The following RTL9 variants were observed in gnomAD, a reference collection of about 807,000 sequenced individuals.
RTL9 encodes the protein retrotransposon Gag-like protein 9.
In RTL9, 19 loss-of-function variants were observed where a neutral mutation model predicts 44.7. That is an observed-to-expected ratio of 0.42 (90% CI 0.30 to 0.62). The LOEUF (loss-of-function observed/expected upper bound fraction) is 0.62. Ranked by LOEUF, RTL9 falls within the 20% of genes least tolerant of loss-of-function variation. The pLI, the probability that RTL9 is intolerant of heterozygous loss-of-function variation, is 0.16. For missense variants in RTL9, 1,105 were observed against 1,080.6 expected, an observed-to-expected ratio of 1.02 and a Z score of -0.32; for synonymous variants, 407 against 398.9, an observed-to-expected ratio of 1.02 and a Z score of -0.24.
intron 1 of RTL9, among the ~76,000 whole-genome samples, chrX:110,406,525 G>A (rs1042037944): frequency 9.0e-6 from 1 of 111,602 alleles, no homozygotes; most frequent in Non-Finnish European, 1.9e-5. Flanking sequence ...ATTTGGGTTG[G>A]TTCCAAGTCT....
At chrX:110,436,696 G>C (rs2068841295) in intron 1 of RTL9, among the ~76,000 whole-genome samples, 1 of 111,712 alleles carries the variant, frequency 9.0e-6, no homozygotes, top group African/African-American at 3.3e-5. Context: ...GAGAGGATGG[G>C]GAGGGACAGA....
intron 1 of RTL9, among the ~76,000 whole-genome samples, chrX:110,365,819 A>G (rs1388757071): frequency 1.8e-5 from 2 of 112,183 alleles, no homozygotes; most frequent in African/African-American, 3.2e-5. Flanking sequence ...GAGGTGATCT[A>G]TGCAAAGTGC....
chrX:110,416,734 C>T (rs180971472), upstream of RTL9, among the ~76,000 whole-genome samples: 124 of 112,203 alleles, frequency 1.1e-3, no homozygotes, highest in African/African-American at 3.8e-3. Flanking sequence ...TGCTTCTAAG[C>T]GTCCTGTGGG....
chrX:110,450,697 C>T (rs768405470), exon 1 of RTL9: 1 of 1,208,605 alleles, frequency 8.3e-7, no homozygotes, highest in East Asian at 3.0e-5. Context: ...AAGCAGATGG[C>T]CTTCTGTAGA....
rs2068651943 is a variant in RTL9, at chrX:110,413,068, T to G, written c.-167-32085T>G. ...CCACAGCCCAAACGTTAAGCCTCCC[T>G]GCTCGTCATCTGTCCTCTCCCATAC... On this transcript the variant is annotated intron_variant, in intron 1 of 2. Transcript: ENST00000520821. Among the ~76,000 whole-genome samples the G allele has an allele frequency of 4.5e-5, 5 of 111,737 alleles. No homozygotes were observed. In the South Asian group the frequency reaches 1.5e-3, roughly 34 times the overall value.
intron 1 of RTL9, among the ~76,000 whole-genome samples, chrX:110,420,845 C>T (rs1031439786): frequency 9.0e-6 from 1 of 111,148 alleles, no homozygotes; most frequent in Non-Finnish European, 1.9e-5. Flanking sequence ...AGTTTTGGCT[C>T]GGGAGGCAGG....
chrX:110,396,247 C>G (rs2068527432), intron 1 of RTL9, among the ~76,000 whole-genome samples: 1 of 111,032 alleles, frequency 9.0e-6, no homozygotes, highest in Non-Finnish European at 1.9e-5. Flanking sequence ...TTTTCAAACA[C>G]ATACACAAAA....
chrX:110,378,994 C>A (rs1370337774), intron 1 of RTL9, among the ~76,000 whole-genome samples: 1 of 112,037 alleles, frequency 8.9e-6, no homozygotes, highest in Non-Finnish European at 1.9e-5. Flanking sequence ...TAACAGCAAG[C>A]ACAGCTTCTC....
chrX:110,381,097 C>A (rs1372715976), intron 1 of RTL9, among the ~76,000 whole-genome samples: 3 of 111,921 alleles, frequency 2.7e-5, no homozygotes, highest in East Asian at 5.6e-4. Flanking sequence ...CAGGTGGGAT[C>A]TAATTAAACC....
At chrX:110,362,062 G>A (rs778943203) in intron 1 of RTL9, among the ~76,000 whole-genome samples, 1 of 111,847 alleles carries the variant, frequency 8.9e-6, no homozygotes. Flanking sequence ...ATCTAGAATA[G>A]TACCTGGCAT....
At chrX:110,363,454 C>T (rs1481091231) in intron 1 of RTL9, among the ~76,000 whole-genome samples, 3 of 111,639 alleles carry the variant, frequency 2.7e-5, no homozygotes, top group Non-Finnish European at 5.6e-5. Context: ...AAGGGACCTC[C>T]CTATGTGTCA....
At chrX:110,400,932 A>C (rs577707579) in intron 1 of RTL9, among the ~76,000 whole-genome samples, 30 of 111,882 alleles carry the variant, frequency 2.7e-4, no homozygotes, top group African/African-American at 9.4e-4. Flanking sequence ...CAGGGCTTTT[A>C]AATTTGGACT....
chrX:110,399,242 C>G, intron 1 of RTL9, among the ~76,000 whole-genome samples: 1 of 112,546 alleles, frequency 8.9e-6, no homozygotes, highest in East Asian at 2.8e-4. Context: ...TCAGAACAAC[C>G]CTTCAAGGTA....
chrX:110,452,058 A>G lies in RTL9; in HGVS notation c.1441A>G (p.Met481Val), dbSNP rs768206687. 15 of 1,210,145 alleles carry G rather than the reference A, an allele frequency of 1.2e-5. 1 individual carries two copies. The Middle Eastern group carries it at 9.2e-4, about 74-fold the overall frequency. Residue 481 changes from methionine to valine, a missense_variant, in exon 1 of 2, where the codon ATG (methionine) becomes GTG (valine). By Grantham distance (21) the Met-to-Val change is conservative. Transcript: ENST00000540313. The stretch of plus-strand genomic sequence containing the variant: ...TTCTGGAGCAATGCCCACAGGCTCT[A>G]TGAAAGCCGTGGCAAAACAATACAA...
At chrX:110,431,135 G>T (rs1031465538) in intron 1 of RTL9, among the ~76,000 whole-genome samples, 1 of 112,092 alleles carries the variant, frequency 8.9e-6, no homozygotes, top group African/African-American at 3.3e-5. Context: ...TCTTTGCCAA[G>T]ATCAGGAAAT....
intron 1 of RTL9, among the ~76,000 whole-genome samples, chrX:110,385,623 T>A (rs998977608): frequency 8.9e-6 from 1 of 111,813 alleles, no homozygotes; most frequent in Admixed American, 9.5e-5. Context: ...CAATAGGTGG[T>A]CTTCTGTGAC....
intron 1 of RTL9, among the ~76,000 whole-genome samples, chrX:110,387,196 T>C (rs2068461758): frequency 8.9e-6 from 1 of 112,039 alleles, no homozygotes; most frequent in African/African-American, 3.2e-5. Context: ...GATACCACCA[T>C]TTCTTTTCAA....
At chrX:110,454,057 C>A (rs753086146) in exon 1 of RTL9, 2 of 1,212,145 alleles carry the variant, frequency 1.6e-6, no homozygotes, top group Middle Eastern at 2.3e-4. Flanking sequence ...TTGACCCCAG[C>A]ACTCTGCTAC....
chrX:110,436,667 G>C (rs902620084), intron 1 of RTL9, among the ~76,000 whole-genome samples: 3 of 111,976 alleles, frequency 2.7e-5, no homozygotes, highest in African/African-American at 9.8e-5. Flanking sequence ...CCTTGAAAGA[G>C]TGGACTCTGT....
Sources: allele counts gnomAD v4.1 joint callset (sites outside exome capture counted in the v4.1 genomes callset), GRCh38; gene constraint gnomAD v4.1.1; transcripts MANE v1.5; gene names NCBI Gene and HGNC (gene_info 2026-07-23, HGNC 2026-07-21).